GPHN: variants seen among roughly 807,000 people sequenced by gnomAD.
GPHN encodes the protein gephyrin.
GPHN carries 17 observed loss-of-function variants against 95.5 expected under a neutral mutation model. The ratio of observed to expected loss-of-function variants is 0.18; its 90% CI spans 0.12 to 0.27. GPHN has a LOEUF of 0.27. GPHN is among the 10% of genes least tolerant of loss of function. The pLI is 1.00. For missense variants in GPHN, 660 were observed against 978.1 expected (o/e 0.67, Z 4.34); for synonymous variants, 320 against 322.5 (o/e 0.99, Z 0.08).
intron 3 of GPHN, among the ~76,000 whole-genome samples, chr14:66,817,735 T>C (rs1440232029): frequency 5.3e-5 from 8 of 152,180 alleles, no homozygotes; most frequent in Non-Finnish European, 7.4e-5. Flanking sequence ...ACTAGACCTT[T>C]CTCTCCAAAT....
At chr14:67,472,441 C>T in the GPHN span, 1 of 152,404 alleles carries the variant, frequency 6.6e-6, no homozygotes, top group African/African-American at 2.4e-5. Flanking sequence ...CAGGGCCTAA[C>T]CCAGCCTGCC....
chr14:66,931,727 CT>C (rs1442102222), intron 8 of GPHN, among the ~76,000 whole-genome samples: 1 of 152,128 alleles, frequency 6.6e-6, no homozygotes. Context: ...ATTTCAGTCT[CT>C]TAGTTAAATT....
chr14:66,831,743 G>A (rs1046261293), intron 4 of GPHN, among the ~76,000 whole-genome samples: 2 of 152,104 alleles, frequency 1.3e-5, no homozygotes, highest in African/African-American at 4.8e-5. Flanking sequence ...TCTCAAAATT[G>A]TTGATTCTAA....
At chr14:67,708,353 C>T in the GPHN span, among the ~76,000 whole-genome samples, 1 of 152,098 alleles carries the variant, frequency 6.6e-6, no homozygotes, top group Non-Finnish European at 1.5e-5. Flanking sequence ...CCATGAGAGT[C>T]CTGAAAGTTT....
At chr14:66,887,979 T>C (rs937918618) in intron 5 of GPHN, among the ~76,000 whole-genome samples, 7 of 152,128 alleles carry the variant, frequency 4.6e-5, no homozygotes, top group Admixed American at 3.3e-4. Flanking sequence ...GATGGGCTTA[T>C]TAGTAGAATG....
At chr14:66,538,993 G>A (rs1258713543) in intron 1 of GPHN, among the ~76,000 whole-genome samples, 2 of 152,038 alleles carry the variant, frequency 1.3e-5, no homozygotes, top group African/African-American at 2.4e-5. Flanking sequence ...AGTCTGCATT[G>A]CAGTTTTAGT....
At chr14:67,039,387 G>T (rs537169766) in intron 10 of GPHN, among the ~76,000 whole-genome samples, 1 of 152,184 alleles carries the variant, frequency 6.6e-6, no homozygotes, top group East Asian at 1.9e-4. Flanking sequence ...TGTTTTGTTT[G>T]TACTTTAAAA....
At chr14:67,012,670 A>T (rs1265866151) in intron 9 of GPHN, among the ~76,000 whole-genome samples, 2 of 152,166 alleles carry the variant, frequency 1.3e-5, no homozygotes, top group Non-Finnish European at 2.9e-5. Context: ...ACAATGTTGG[A>T]TATGATAACA....
At chr14:66,822,685 G>A (rs1223728297) in intron 3 of GPHN, among the ~76,000 whole-genome samples, 8 of 152,152 alleles carry the variant, frequency 5.3e-5, no homozygotes, top group Admixed American at 5.2e-4. Flanking sequence ...ATGTTTATTA[G>A]CATCTTAAAA....
At chr14:66,518,598 C>A (rs1201384709) in intron 1 of GPHN, among the ~76,000 whole-genome samples, 2 of 151,982 alleles carry the variant, frequency 1.3e-5, no homozygotes, top group African/African-American at 4.8e-5. Flanking sequence ...TGTCCAACAG[C>A]AGATTAATGG....
intron 1 of GPHN, among the ~76,000 whole-genome samples, chr14:66,680,281 A>C (rs2066863852): frequency 6.6e-6 from 1 of 152,184 alleles, no homozygotes; most frequent in Non-Finnish European, 1.5e-5. Flanking sequence ...CCACCCACTA[A>C]GGGGATGCTT....
the GPHN span, among the ~76,000 whole-genome samples, chr14:67,352,306 C>A: frequency 6.6e-6 from 1 of 150,582 alleles, no homozygotes; most frequent in Admixed American, 6.7e-5. Context: ...CTCGTCTCTA[C>A]TAAAAATAAA....
At chr14:67,370,969 C>T in the GPHN span, among the ~76,000 whole-genome samples, 1 of 151,796 alleles carries the variant, frequency 6.6e-6, no homozygotes, top group Non-Finnish European at 1.5e-5. Flanking sequence ...AACAAGTCTG[C>T]AGTAAGCCGA....
chr14:67,295,337 A>G, the GPHN span, among the ~76,000 whole-genome samples: 1 of 151,838 alleles, frequency 6.6e-6, no homozygotes, highest in East Asian at 1.9e-4. Flanking sequence ...AAAAAATACA[A>G]AAATTAGCTG....
At chr14:67,349,136 G>C in the GPHN span, 14 of 1,599,864 alleles carry the variant, frequency 8.8e-6, no homozygotes, top group Non-Finnish European at 1.2e-5. Context: ...TTATTTAGCA[G>C]ACTCTTCAGA....
At chr14:66,706,387 A>G (rs538812176) in intron 2 of GPHN, among the ~76,000 whole-genome samples, 12 of 152,202 alleles carry the variant, frequency 7.9e-5, no homozygotes, top group African/African-American at 2.6e-4. Context: ...AAAGCTAGAG[A>G]CATCATGCTA....
chr14:67,735,179 C>T, the GPHN span: 16 of 1,267,646 alleles, frequency 1.3e-5, no homozygotes, highest in African/African-American at 2.9e-5. Flanking sequence ...AAGCCACAGT[C>T]GTTCCCCTTG....
intron 12 of GPHN, among the ~76,000 whole-genome samples, chr14:67,100,179 A>T (rs2077619079): frequency 6.6e-6 from 1 of 152,168 alleles, no homozygotes; most frequent in African/African-American, 2.4e-5. Flanking sequence ...ACATTATTTT[A>T]AAAAACTGTG....
intron 8 of GPHN, among the ~76,000 whole-genome samples, chr14:66,948,687 A>C (rs1334627571): frequency 2.6e-5 from 4 of 152,196 alleles, no homozygotes; most frequent in African/African-American, 9.7e-5. Flanking sequence ...CTTAACTAGC[A>C]TATTTCTATT....
Sources: allele counts gnomAD v4.1 joint callset (sites outside exome capture counted in the v4.1 genomes callset), GRCh38; gene constraint gnomAD v4.1.1; transcripts MANE v1.5; gene names NCBI Gene and HGNC (gene_info 2026-07-23, HGNC 2026-07-21).